The following KIT variants were observed in gnomAD, a reference collection of about 807,000 sequenced individuals.
The protein encoded by KIT is mast/stem cell growth factor receptor Kit.
Under a neutral mutation model 105.7 loss-of-function variants are expected in KIT, and 16 were observed. The ratio of observed to expected loss-of-function variants is 0.15; its 90% confidence interval spans 0.10 to 0.23. The LOEUF (loss-of-function observed/expected upper bound fraction) is 0.23, where lower values mean the gene tolerates loss of function less well. KIT is among the 10% of genes least tolerant of loss of function. The pLI is 1.00. For synonymous variants in KIT, 438 were observed against 441.1 expected (o/e 0.99, Z 0.09); for missense variants, 858 against 1,213.8 (o/e 0.71, Z 4.36).
intron 1 of KIT, among the ~76,000 whole-genome samples, chr4:54,694,779 A>T (rs1016863274): frequency 6.6e-6 from 1 of 152,208 alleles, no homozygotes; most frequent in Non-Finnish European, 1.5e-5. Context: ...TGTAGATGAT[A>T]ATTAATGAAT....
At chr4:54,717,680 T>A (rs193280312) in intron 7 of KIT, among the ~76,000 whole-genome samples, 1 of 152,276 alleles carries the variant, frequency 6.6e-6, no homozygotes, top group African/African-American at 2.4e-5. Flanking sequence ...TTTACAGATA[T>A]ATGCAAGGTC....
chr4:54,670,045 C>G (rs1717996422), intron 1 of KIT, among the ~76,000 whole-genome samples: 2 of 152,194 alleles, frequency 1.3e-5, no homozygotes, highest in South Asian at 2.1e-4. Context: ...AACTTCAGAG[C>G]AGCAGGCCTC....
chr4:54,669,226 T>TA (rs1717929629), intron 1 of KIT, among the ~76,000 whole-genome samples: 3 of 148,094 alleles, frequency 2.0e-5, no homozygotes, highest in African/African-American at 7.4e-5. Flanking sequence ...CCCCCCTTGC[T>TA]TTTTTAAAAT....
At chr4:54,732,307 C>T (rs1385340060) in intron 16 of KIT, among the ~76,000 whole-genome samples, 1 of 151,798 alleles carries the variant, frequency 6.6e-6, no homozygotes, top group Non-Finnish European at 1.5e-5. Flanking sequence ...AGGATATGTT[C>T]CTAGAGAACA....
intron 7 of KIT, among the ~76,000 whole-genome samples, chr4:54,711,129 C>T (rs921910786): frequency 5.9e-5 from 9 of 152,172 alleles, no homozygotes; most frequent in African/African-American, 2.2e-4. Flanking sequence ...GATCCTTCTG[C>T]CTTGTCCTCC....
intron 17 of KIT, 24 bp from the exon 18 acceptor site, chr4:54,736,474 G>T (rs1275295271): frequency 1.3e-6 from 2 of 1,488,880 alleles, no homozygotes; most frequent in African/African-American, 1.4e-5. Context: ...TAACATTATT[G>T]ACTCTGTTGT....
intron 7 of KIT, among the ~76,000 whole-genome samples, chr4:54,721,005 T>C (rs977763542): frequency 1.3e-5 from 2 of 152,242 alleles, no homozygotes; most frequent in African/African-American, 4.8e-5. Flanking sequence ...GACTCTATAA[T>C]TGAATGCCTT....
At chr4:54,663,284 C>T (rs781681578) in intron 1 of KIT, among the ~76,000 whole-genome samples, 11 of 152,166 alleles carry the variant, frequency 7.2e-5, no homozygotes, top group Non-Finnish European at 1.3e-4. Context: ...CTGCTGTGTG[C>T]TCTGGGACAA....
At position 54,657,962 on chromosome 4, in the gene KIT, T is replaced by C. The variant is rs1716927372; in HGVS notation, c.-53T>C. 2 of 1,585,354 alleles carry C rather than the reference T, an allele frequency of 1.3e-6. No homozygotes were observed. The highest frequency in any genetic ancestry group is 1.1e-5 in the South Asian group (1 of 89,902). ...TCGGCTTTGCCGCGCTCGCTGCACT[T>C]GGGCGAGAGCTGGAACGTGGACCAG... On this transcript the variant is annotated 5_prime_UTR_variant, in exon 1 of 21. Coordinates refer to ENST00000288135, the MANE Select transcript of KIT (RefSeq NM_000222.3).
Position 54,739,007 on chromosome 4 carries a change from T to TAC in KIT, c.*450_*451insAC, listed in dbSNP as rs1446850142. Reference sequence around the variant, plus strand: ...CCTTTATGTGGAAAACAGAACATCATTAGAACAAAGGACAGAGTATGAACA... The same window carrying TAC: ...CCTTTATGTGGAAAACAGAACATCATACTAGAACAAAGGACAGAGTATGAACA... On this transcript the variant is annotated 3_prime_UTR_variant, in exon 21 of 21. Coordinates refer to ENST00000288135, the MANE Select transcript of KIT (RefSeq NM_000222.3). The TAC allele has an allele frequency of 2.4e-5, 12 of 491,488 alleles. No individual in the cohort carries two copies. The highest frequency in any genetic ancestry group is 3.5e-6 in the Non-Finnish European group (1 of 282,372). 30.4% of individuals were successfully genotyped at this position (491,488 alleles called of 1,614,324 possible).
intron 5 of KIT, among the ~76,000 whole-genome samples, chr4:54,706,308 C>T (rs1720785371): frequency 6.6e-6 from 1 of 152,016 alleles, no homozygotes; most frequent in Non-Finnish European, 1.5e-5. Context: ...CTACTTTTAC[C>T]ACACTTGCAA....
At chr4:54,683,997 C>T (rs1368707263) in intron 1 of KIT, among the ~76,000 whole-genome samples, 2 of 152,178 alleles carry the variant, frequency 1.3e-5, no homozygotes, top group Middle Eastern at 3.2e-3. Flanking sequence ...CATGAAAATG[C>T]TACAGGAAAG....
intron 17 of KIT, among the ~76,000 whole-genome samples, chr4:54,735,377 AAG>A (rs1192822222): frequency 3.6e-4 from 42 of 117,906 alleles, no homozygotes; most frequent in Non-Finnish European, 2.2e-4. Flanking sequence ...AAAAAAAAAA[AAG>A]AAAAAAAAAA....
intron 2 of KIT, among the ~76,000 whole-genome samples, chr4:54,697,521 G>A (rs1041715412): frequency 3.9e-5 from 6 of 152,126 alleles, no homozygotes; most frequent in African/African-American, 1.4e-4. Context: ...GTCTGTTCCT[G>A]GTGTCCTGTC....
At chr4:54,673,714 A>G (rs1008469911) in intron 1 of KIT, among the ~76,000 whole-genome samples, 6 of 152,184 alleles carry the variant, frequency 3.9e-5, no homozygotes, top group Admixed American at 6.5e-5. Context: ...GTGGAATTCA[A>G]CTGGATTCTT....
At chr4:54,711,684 GGCCGA>G (rs1468703792) in intron 7 of KIT, among the ~76,000 whole-genome samples, 1 of 62,978 alleles carries the variant, frequency 1.6e-5, no homozygotes, top group African/African-American at 3.5e-5. Context: ...CACTTTGGGA[GGCCGA>G]AGCAGGTGGA....
intron 1 of KIT, among the ~76,000 whole-genome samples, 162 bp downstream of exon 1, chr4:54,658,243 G>A (rs1273519224): frequency 6.6e-6 from 1 of 152,130 alleles, no homozygotes; most frequent in East Asian, 1.9e-4. Context: ...CGGACTCTCC[G>A]GCGCCCTGCC....
chr4:54,710,004 C>G (rs1260310510), intron 7 of KIT, among the ~76,000 whole-genome samples: 1 of 152,154 alleles, frequency 6.6e-6, no homozygotes, highest in African/African-American at 2.4e-5. Context: ...GAGACAAATG[C>G]AATACTGACA....
Position 54,699,763 on chromosome 4 carries a change from T to C in KIT, c.753T>C (p.Ser251=). Residue 251 remains serine, a synonymous_variant, in exon 4 of 21, where the codon AGT becomes AGC. Coordinates refer to ENST00000288135, the MANE Select transcript of KIT (RefSeq NM_000222.3). ...ACTCAACGTGGAAAAGAGAAAACAG[T>C]CAGGTGAGTGAATCGCTTCATTCTT... is the stretch of plus-strand genomic sequence containing the variant. ...SVYSTWKREN[S]QTKLQEKYNS... 1 of 1,613,652 alleles carries C rather than the reference T, an allele frequency of 6.2e-7. No homozygotes were observed. Among genetic ancestry groups the C allele is most frequent in the East Asian group, 2.2e-5 (1 of 44,840 alleles).
Sources: gnomAD v4.1 joint callset for allele counts (sites outside exome capture counted in the v4.1 genomes callset) on GRCh38, gnomAD v4.1.1 for gene constraint, MANE v1.5 for transcripts, NCBI Gene and HGNC (gene_info 2026-07-23, HGNC 2026-07-21) for gene names.